CNTNAP5: variants seen among roughly 807,000 people sequenced by gnomAD.
CNTNAP5 encodes the protein contactin associated protein family member 5.
In CNTNAP5, 72 loss-of-function variants were observed where a neutral mutation model predicts 150.2. That is an observed-to-expected ratio of 0.48 (90% CI 0.40 to 0.58). The LOEUF (loss-of-function observed/expected upper bound fraction) is 0.58. Ranked by LOEUF, CNTNAP5 falls within the 20% of genes least tolerant of loss-of-function variation. The probability of loss-of-function intolerance (pLI) is 0.00; values close to 1 mark genes in which losing one functional copy is unlikely to be tolerated. For missense variants in CNTNAP5, 1,636 were observed against 1,626.2 expected, an observed-to-expected ratio of 1.01 and a Z score of -0.10; for synonymous variants, 672 against 619.8, an observed-to-expected ratio of 1.08 and a Z score of -1.25.
chr2:124,479,992 T>A (rs1409935363), intron 7 of CNTNAP5, among the ~76,000 whole-genome samples: 7 of 152,222 alleles, frequency 4.6e-5, no homozygotes, highest in African/African-American at 1.7e-4. Context: ...GAGCTATTAA[T>A]AAAAACATCT....
intron 3 of CNTNAP5, among the ~76,000 whole-genome samples, chr2:124,244,751 TC>T (rs1558817203): frequency 6.6e-6 from 1 of 152,084 alleles, no homozygotes; most frequent in African/African-American, 2.4e-5. Flanking sequence ...AAAATAGGTG[TC>T]CCCTTAATTA....
chr2:124,113,689 TG>T (rs1683356666), intron 1 of CNTNAP5, among the ~76,000 whole-genome samples: 2 of 152,004 alleles, frequency 1.3e-5, no homozygotes, highest in Admixed American at 6.6e-5. Flanking sequence ...AATTCAGCAA[TG>T]TTTTTCCTTA....
intron 7 of CNTNAP5, among the ~76,000 whole-genome samples, chr2:124,486,496 G>A (rs1339322608): frequency 6.6e-6 from 1 of 152,186 alleles, no homozygotes; most frequent in Non-Finnish European, 1.5e-5. Context: ...GCAAAGAAGA[G>A]TGGCTTTGGA....
At chr2:124,173,184 C>T (rs1442249297) in intron 1 of CNTNAP5, among the ~76,000 whole-genome samples, 4 of 152,126 alleles carry the variant, frequency 2.6e-5, no homozygotes, top group East Asian at 3.9e-4. Flanking sequence ...TGGGCCATTC[C>T]CCTATCTCAC....
At chr2:124,153,204 A>C (rs928995696) in intron 1 of CNTNAP5, among the ~76,000 whole-genome samples, 1 of 152,216 alleles carries the variant, frequency 6.6e-6, no homozygotes, top group African/African-American at 2.4e-5. Flanking sequence ...GATGGAAACA[A>C]ACTGAAAATT....
intron 12 of CNTNAP5, among the ~76,000 whole-genome samples, chr2:124,615,480 G>T (rs929310662): frequency 6.6e-6 from 1 of 152,142 alleles, no homozygotes; most frequent in Non-Finnish European, 1.5e-5. Flanking sequence ...ATTTTATCAT[G>T]AGAATATAGC....
intron 7 of CNTNAP5, among the ~76,000 whole-genome samples, chr2:124,502,193 A>G (rs938429926): frequency 2.0e-5 from 3 of 152,230 alleles, no homozygotes; most frequent in East Asian, 1.9e-4. Flanking sequence ...GAACCAATCC[A>G]GGAACTCCTT....
chr2:124,558,668 G>A (rs1010699523), intron 10 of CNTNAP5, among the ~76,000 whole-genome samples: 9 of 152,180 alleles, frequency 5.9e-5, no homozygotes, highest in African/African-American at 1.9e-4. Flanking sequence ...GCATTTCCCT[G>A]AACTGTCTTG....
chr2:124,168,599 A>C (rs1260821797), intron 1 of CNTNAP5, among the ~76,000 whole-genome samples: 1 of 152,224 alleles, frequency 6.6e-6, no homozygotes, highest in Non-Finnish European at 1.5e-5. Context: ...TATCTGCAAG[A>C]ATCTCATTTG....
intron 13 of CNTNAP5, among the ~76,000 whole-genome samples, chr2:124,674,538 T>TCTTTCTTTCTTTCTTTCTTTCTTC (rs1678895869): frequency 7.4e-6 from 1 of 134,784 alleles, no homozygotes; most frequent in Non-Finnish European, 1.6e-5. Flanking sequence ...TTTCTTTCTT[T>TCTTTCTTTCTTTCTTTCTTTCTTC]CTTTCTTTCT....
At chr2:124,690,821 A>G (rs982096180) in intron 13 of CNTNAP5, among the ~76,000 whole-genome samples, 4 of 152,108 alleles carry the variant, frequency 2.6e-5, no homozygotes, top group Admixed American at 6.6e-5. Flanking sequence ...ATTCTCCTGA[A>G]TATATTCCCA....
At chr2:124,716,121 T>G (rs1348157790) in intron 13 of CNTNAP5, among the ~76,000 whole-genome samples, 3 of 152,158 alleles carry the variant, frequency 2.0e-5, no homozygotes, top group African/African-American at 7.2e-5. Flanking sequence ...AAATGGACAA[T>G]TATCTTAAAA....
At chr2:124,669,188 A>G (rs945667029) in intron 13 of CNTNAP5, among the ~76,000 whole-genome samples, 2 of 152,312 alleles carry the variant, frequency 1.3e-5, no homozygotes, top group Admixed American at 1.3e-4. Flanking sequence ...TCATTTTTAT[A>G]TCCTCAGGGA....
At chr2:124,300,781 G>A (rs1364576974) in intron 3 of CNTNAP5, among the ~76,000 whole-genome samples, 1 of 152,202 alleles carries the variant, frequency 6.6e-6, no homozygotes, top group Non-Finnish European at 1.5e-5. Context: ...AGGGACAACA[G>A]CAGCTTTTCA....
At chr2:124,480,820 T>C (rs541583880) in intron 7 of CNTNAP5, among the ~76,000 whole-genome samples, 2 of 152,342 alleles carry the variant, frequency 1.3e-5, no homozygotes, top group Admixed American at 6.5e-5. Context: ...CCTGCATCTA[T>C]GCTGTATGCT....
chr2:124,893,235 T>G (rs1678236472), intron 21 of CNTNAP5, among the ~76,000 whole-genome samples: 1 of 152,120 alleles, frequency 6.6e-6, no homozygotes, highest in Non-Finnish European at 1.5e-5. Flanking sequence ...GTCTTTTGTT[T>G]CCATTTCTTT....
chr2:124,487,533 G>T (rs938373597), intron 7 of CNTNAP5, among the ~76,000 whole-genome samples: 1 of 152,160 alleles, frequency 6.6e-6, no homozygotes, highest in East Asian at 2.0e-4. Flanking sequence ...TCTGATCTTT[G>T]TTACAGAAAC....
chr2:124,063,525 G>A (rs1162861549), intron 1 of CNTNAP5, among the ~76,000 whole-genome samples: 1 of 152,138 alleles, frequency 6.6e-6, no homozygotes, highest in African/African-American at 2.4e-5. Context: ...TTTAGAAGGA[G>A]AAGTTTAAGG....
chr2:124,735,614 A>G (rs1262570140), intron 13 of CNTNAP5, among the ~76,000 whole-genome samples: 3 of 152,196 alleles, frequency 2.0e-5, no homozygotes, highest in Non-Finnish European at 4.4e-5. Context: ...TGATTCAAGA[A>G]CAAGTGCTGT....
Sources: gnomAD v4.1 joint callset for allele counts (sites outside exome capture counted in the v4.1 genomes callset) on GRCh38, gnomAD v4.1.1 for gene constraint, MANE v1.5 for transcripts, NCBI Gene and HGNC (gene_info 2026-07-23, HGNC 2026-07-21) for gene names.